The following BMPER variants were observed in gnomAD, a reference collection of about 807,000 sequenced individuals.
BMPER encodes BMP-binding endothelial regulator protein.
A neutral mutation model predicts 87.3 loss-of-function variants in BMPER; 45 were observed. That is an observed-to-expected ratio of 0.52 (90% CI 0.41 to 0.66). BMPER has a LOEUF of 0.66. Ranked by LOEUF, BMPER falls within the 30% of genes least tolerant of loss-of-function variation. The pLI, the probability that BMPER is intolerant of heterozygous loss-of-function variation, is 0.00. For missense variants in BMPER, 784 were observed against 867.5 expected (o/e 0.90, Z 1.21); for synonymous variants, 326 against 316.2 (o/e 1.03, Z -0.33).
chr7:33,915,974 C>CA (rs1240122377), intron 2 of BMPER, among the ~76,000 whole-genome samples: 1 of 152,090 alleles, frequency 6.6e-6, no homozygotes, highest in Non-Finnish European at 1.5e-5. Context: ...AGTTACAGCA[C>CA]AAAAAATTCT....
chr7:34,047,986 A>T (rs1331500783), intron 7 of BMPER, among the ~76,000 whole-genome samples: 1 of 151,710 alleles, frequency 6.6e-6, no homozygotes, highest in African/African-American at 2.4e-5. Context: ...ATAAAATGGG[A>T]TATTAAGCGC....
At chr7:34,090,541 G>A (rs1789352251) in intron 13 of BMPER, among the ~76,000 whole-genome samples, 1 of 152,204 alleles carries the variant, frequency 6.6e-6, no homozygotes. Context: ...TTAGGCCACA[G>A]GATAGGACAA....
intron 6 of BMPER, among the ~76,000 whole-genome samples, chr7:34,008,238 T>C (rs1169891064): frequency 6.6e-6 from 1 of 152,032 alleles, no homozygotes; most frequent in East Asian, 1.9e-4. Context: ...ACTGGGTTGT[T>C]GGTCTTTCAT....
chr7:34,117,508 C>T (rs1790147959), intron 13 of BMPER, among the ~76,000 whole-genome samples: 1 of 152,188 alleles, frequency 6.6e-6, no homozygotes, highest in African/African-American at 2.4e-5. Flanking sequence ...TTGATAATCA[C>T]TCTTGATACG....
At chr7:34,102,492 G>A (rs1245478716) in intron 13 of BMPER, among the ~76,000 whole-genome samples, 5 of 152,170 alleles carry the variant, frequency 3.3e-5, no homozygotes, top group African/African-American at 7.2e-5. Context: ...GGGTGATGCC[G>A]CTGCTGTTCT....
At chr7:33,966,439 A>G (rs1267675898) in intron 3 of BMPER, 40 bp from the exon 4 acceptor site, 1 of 1,560,344 alleles carries the variant, frequency 6.4e-7, no homozygotes, top group Non-Finnish European at 8.8e-7. Context: ...ACCCATACCC[A>G]TTCTTGGCCT....
chr7:34,131,122 G>C (rs977579874), intron 13 of BMPER, among the ~76,000 whole-genome samples: 9 of 152,118 alleles, frequency 5.9e-5, no homozygotes, highest in African/African-American at 2.2e-4. Flanking sequence ...CTGGCATGGA[G>C]GGGAAGGCCT....
At chr7:34,110,337 A>G (rs1176481908) in intron 13 of BMPER, among the ~76,000 whole-genome samples, 1 of 152,102 alleles carries the variant, frequency 6.6e-6, no homozygotes, top group Non-Finnish European at 1.5e-5. Context: ...CAGTGTCTGT[A>G]TTTGTTGAAG....
At chr7:33,930,482 A>T (rs1283647170) in intron 2 of BMPER, among the ~76,000 whole-genome samples, 1 of 152,128 alleles carries the variant, frequency 6.6e-6, no homozygotes, top group Non-Finnish European at 1.5e-5. Flanking sequence ...TTTCCAAGAG[A>T]CTGAGAACAG....
In BMPER at chr7:34,156,284, C is replaced by A. The variant is rs1459183483; in HGVS notation, c.*3011C>A. On this transcript the variant is annotated 3_prime_UTR_variant, in exon 15 of 15. Transcript: ENST00000649409. ...AACTCTTCCTTTTTATGAGATATTT[C>A]AGACACACAAAAAGGCATAGAGAAA... is the stretch of plus-strand genomic sequence containing the variant. Among the ~76,000 whole-genome samples, 1 of 152,184 alleles carries A rather than the reference C, an allele frequency of 6.6e-6. No individual in the cohort carries two copies. Among genetic ancestry groups the A allele is most frequent in the African/African-American group, 2.4e-5 (1 of 41,438 alleles).
intron 6 of BMPER, among the ~76,000 whole-genome samples, chr7:34,032,670 AC>A: frequency 6.6e-6 from 1 of 152,156 alleles, no homozygotes; most frequent in South Asian, 2.1e-4. Flanking sequence ...TTTACCATGA[AC>A]AATTTTGTTT....
intron 6 of BMPER, among the ~76,000 whole-genome samples, chr7:34,040,940 G>A (rs17169628): frequency 0.15 from 22,785 of 152,080 alleles, 2,810 homozygotes; most frequent in African/African-American, 0.34. Context: ...AAAAATGTGG[G>A]CAATATATTT....
chr7:34,004,156 T>A (rs1188794857), intron 6 of BMPER, among the ~76,000 whole-genome samples: 2 of 152,154 alleles, frequency 1.3e-5, no homozygotes, highest in Non-Finnish European at 2.9e-5. Context: ...ATTTATTCTT[T>A]CTTCTGCCAG....
At chr7:34,053,028 C>T (rs1329187539) in intron 8 of BMPER, among the ~76,000 whole-genome samples, 1 of 152,180 alleles carries the variant, frequency 6.6e-6, no homozygotes, top group Non-Finnish European at 1.5e-5. Flanking sequence ...ATAGCTTCCT[C>T]TTGGGGATAC....
chr7:33,970,212 C>T (rs1785506059), intron 4 of BMPER, 117 bp from the exon 5 acceptor site: 2 of 983,942 alleles, frequency 2.0e-6, no homozygotes, highest in Admixed American at 1.8e-5. Flanking sequence ...CGCCCTGACA[C>T]CCACCAAACC....
intron 13 of BMPER, among the ~76,000 whole-genome samples, chr7:34,111,920 CA>C (rs568341614): frequency 9.3e-4 from 142 of 152,190 alleles, no homozygotes; most frequent in African/African-American, 3.4e-3. Context: ...CCATGTTAGT[CA>C]GGCTGATCTC....
At chr7:33,905,827 G>C in intron 1 of BMPER, 81 bp downstream of exon 1, 2 of 529,268 alleles carry the variant, frequency 3.8e-6, no homozygotes, top group Admixed American at 4.2e-5. Flanking sequence ...TTGCCCCGGG[G>C]ATGGGAGGGT....
chr7:34,088,939 TTGCATTGCAATCGTTTAA>T (rs1001233970), intron 13 of BMPER, among the ~76,000 whole-genome samples: 1 of 152,170 alleles, frequency 6.6e-6, no homozygotes, highest in Non-Finnish European at 1.5e-5. Context: ...TAAGTGACGA[TTGCATTGCAATCGTTTAA>T]AAAACTATTG....
upstream of BMPER, chr7:33,905,445 G>GCCCCCCCCCACACCCCCCC: frequency 4.0e-5 from 1 of 25,144 alleles, no homozygotes; most frequent in Non-Finnish European, 7.5e-5. Flanking sequence ...CTCTCCCCCC[G>GCCCCCCCCCACACCCCCCC]CCCTCCCTCA....
Sources: allele counts gnomAD v4.1 joint callset (sites outside exome capture counted in the v4.1 genomes callset), GRCh38; gene constraint gnomAD v4.1.1; transcripts MANE v1.5; gene names NCBI Gene and HGNC (gene_info 2026-07-23, HGNC 2026-07-21).